The following SUSD1 variants were observed in gnomAD, a reference collection of about 807,000 sequenced individuals.
SUSD1 encodes sushi domain containing 1.
In SUSD1, 65 loss-of-function variants were observed where a neutral mutation model predicts 86.9. The ratio of observed to expected loss-of-function variants is 0.75; its 90% CI spans 0.61 to 0.92. SUSD1 has a LOEUF of 0.92. Among genes scored for constraint, SUSD1 ranks in the 40% least tolerant of loss-of-function variants. SUSD1 has a pLI of 0.00. For synonymous variants in SUSD1, 346 were observed against 350.0 expected, an observed-to-expected ratio of 0.99 and a Z score of 0.13; for missense variants, 850 against 929.7, an observed-to-expected ratio of 0.91 and a Z score of 1.11.
intron 12 of SUSD1, among the ~76,000 whole-genome samples, chr9:112,065,820 C>G (rs911510351): frequency 1.3e-5 from 2 of 152,140 alleles, no homozygotes; most frequent in African/African-American, 4.8e-5. Flanking sequence ...TGAGCCAATT[C>G]ATAATGATTA....
At chr9:112,110,420 AGGG>A (rs1831041233) in intron 8 of SUSD1, among the ~76,000 whole-genome samples, 1 of 152,044 alleles carries the variant, frequency 6.6e-6, no homozygotes, top group Non-Finnish European at 1.5e-5. Flanking sequence ...TTTCTGAGAC[AGGG>A]TCTTGCCCCG....
At position 112,127,991 on chromosome 9, in the gene SUSD1, C is replaced by T. The variant is rs148138448; in HGVS notation, c.707-3555G>A. On this transcript the variant is annotated intron_variant, in intron 5 of 16. Coordinates refer to ENST00000374270, the MANE Select transcript of SUSD1 (RefSeq NM_022486.5). ...CTAATTTTTCAGTTTTTTGTAGAGA[C>T]GGGGTCTCTCTGTATTGCCCAGGCT... 1.8e-4 allele frequency among the ~76,000 whole-genome samples: 27 copies of T among 151,294 alleles called. No homozygotes were observed. In the East Asian group the frequency reaches 3.3e-3, roughly 19 times the overall value.
At chr9:112,097,918 C>G (rs180841784) in intron 10 of SUSD1, among the ~76,000 whole-genome samples, 1 of 152,302 alleles carries the variant, frequency 6.6e-6, no homozygotes, top group East Asian at 1.9e-4. Context: ...CCACAGCCAT[C>G]CCACTAGGGG....
chr9:112,153,265 TAA>T (rs756176818), intron 2 of SUSD1, among the ~76,000 whole-genome samples: 6 of 136,956 alleles, frequency 4.4e-5, no homozygotes, highest in Admixed American at 7.4e-5. Context: ...AGACCCTGGC[TAA>T]AAAAAAAAAA....
At chr9:112,138,257 G>GTATATACACATATATATATTTATATATA (rs1564328952) in intron 5 of SUSD1, among the ~76,000 whole-genome samples, 1 of 25,640 alleles carries the variant, frequency 3.9e-5, no homozygotes, top group Non-Finnish European at 7.2e-5. Context: ...ATATATATAT[G>GTATATACACATATATATATTTATATATA]TGTATATACA....
chr9:112,076,171 G>A lies in SUSD1; in HGVS notation c.1753+2367C>T, dbSNP rs1284019324. Among the ~76,000 whole-genome samples, 5 of 152,216 alleles carry A rather than the reference G, an allele frequency of 3.3e-5. 1 individual carries two copies. The highest frequency in any genetic ancestry group is 1.2e-4 in the African/African-American group (5 of 41,444). On this transcript the variant is annotated intron_variant, in intron 12 of 16. Coordinates refer to ENST00000374270, the MANE Select transcript of SUSD1 (RefSeq NM_022486.5). ...TTTAAAAGATCACTCTGAGTGCTGA[G>A]TGATCTTTTGAAAGTTATGGTGAAG...
At chr9:112,098,108 G>A (rs754359192) in intron 10 of SUSD1, among the ~76,000 whole-genome samples, 7 of 152,252 alleles carry the variant, frequency 4.6e-5, no homozygotes, top group Non-Finnish European at 8.8e-5. Context: ...TGGGACCCAC[G>A]TTTCTGGTCT....
At chr9:112,069,417 T>A (rs1367057) in intron 12 of SUSD1, among the ~76,000 whole-genome samples, 15 of 151,922 alleles carry the variant, frequency 9.9e-5, no homozygotes, top group South Asian at 2.1e-4. Flanking sequence ...AGAGAGATTC[T>A]GTAGGATACA....
chr9:112,154,726 C>T lies in SUSD1; in HGVS notation c.217+2774G>A, dbSNP rs145962932. On this transcript the variant is annotated intron_variant, in intron 2 of 16. Transcript: ENST00000374270. ...TTTGAGACAGGCCTCCTCTGTGGAC[C>T]TCACTGGAAGGGACATTTCGGTTTG... Among the ~76,000 whole-genome samples the T allele has an allele frequency of 5.1e-3, 776 of 152,196 alleles. 10 individuals carry two copies. Among genetic ancestry groups the T allele is most frequent in the African/African-American group, 0.018 (749 of 41,516 alleles).
chr9:112,068,716 A>T (rs962909565), intron 12 of SUSD1, among the ~76,000 whole-genome samples: 55 of 134,700 alleles, frequency 4.1e-4, no homozygotes, highest in Non-Finnish European at 5.6e-4. Flanking sequence ...AAAAAAAAAA[A>T]ATATTTTTAG....
At chr9:112,052,332 A>G (rs760163333) in intron 15 of SUSD1, 67 bp downstream of exon 15, 1 of 1,612,396 alleles carries the variant, frequency 6.2e-7, no homozygotes, top group Non-Finnish European at 8.5e-7. Context: ...AACAGATCTC[A>G]TCAATATGAA....
chr9:112,137,534 T>A (rs1589708111), intron 5 of SUSD1, among the ~76,000 whole-genome samples: 1 of 152,318 alleles, frequency 6.6e-6, no homozygotes, highest in Non-Finnish European at 1.5e-5. Context: ...TAATCTAAGT[T>A]CTGCATTTTA....
intron 8 of SUSD1, among the ~76,000 whole-genome samples, chr9:112,110,211 C>T (rs780122886): frequency 1.1e-4 from 16 of 151,974 alleles, no homozygotes; most frequent in Non-Finnish European, 1.8e-4. Context: ...TAGCCAGGCA[C>T]GGTCGTGGAT....
At position 112,080,128 on chromosome 9, in the gene SUSD1, T is replaced by C; in HGVS notation, c.1512A>G (p.Glu504=). 1 of 1,613,718 alleles carries C rather than the reference T, an allele frequency of 6.2e-7. No individual in the cohort carries two copies. Among genetic ancestry groups the C allele is most frequent in the Non-Finnish European group, 8.5e-7 (1 of 1,179,722 alleles). Residue 504 remains glutamate, a synonymous_variant, in exon 11 of 17, where the codon GAA becomes GAG. Transcript: ENST00000374270. The part of the protein sequence containing the change: ...QTISNISGFN[E]TCLRWRSIKT... The stretch of plus-strand genomic sequence containing the variant: ...TGATGCTTCTCCATCTCAAGCAGGT[T>C]TCATTAAATCCTGAAATGTTACTGA...
At chr9:112,155,122 C>G (rs757639250) in intron 2 of SUSD1, among the ~76,000 whole-genome samples, 1 of 151,652 alleles carries the variant, frequency 6.6e-6, no homozygotes, top group Non-Finnish European at 1.5e-5. Context: ...GTGGTGGTGC[C>G]CGCCTGTAAT....
chr9:112,118,609 C>T (rs1437238253), intron 6 of SUSD1, among the ~76,000 whole-genome samples: 1 of 152,088 alleles, frequency 6.6e-6, no homozygotes, highest in Admixed American at 6.6e-5. Context: ...CTCAGCCTCC[C>T]GAGTAGCTGG....
At chr9:112,056,467 G>A (rs1051250283) in intron 14 of SUSD1, among the ~76,000 whole-genome samples, 2 of 152,112 alleles carry the variant, frequency 1.3e-5, no homozygotes, top group Non-Finnish European at 2.9e-5. Flanking sequence ...TATTGTATAT[G>A]TTTTATCACA....
intron 13 of SUSD1, 91 bp downstream of exon 13, chr9:112,062,846 A>C: frequency 1.2e-6 from 1 of 822,212 alleles, no homozygotes; most frequent in Non-Finnish European, 2.0e-6. Context: ...TGCAGCCACC[A>C]ACACAGAAGT....
chr9:112,130,593 AAAGGAAGGAAAGGAAAGG>A (rs946664899), intron 5 of SUSD1, among the ~76,000 whole-genome samples: 6 of 129,688 alleles, frequency 4.6e-5, no homozygotes, highest in African/African-American at 2.0e-4. Context: ...GGAAGGAAGG[AAAGGAAGGAAAGGAAAGG>A]AAGGAAAGGA....
Sources: allele counts gnomAD v4.1 joint callset (sites outside exome capture counted in the v4.1 genomes callset), GRCh38; gene constraint gnomAD v4.1.1; transcripts MANE v1.5; gene names NCBI Gene and HGNC (gene_info 2026-07-23, HGNC 2026-07-21).